The following ARSK variants were observed in gnomAD, a reference collection of about 807,000 sequenced individuals.
ARSK encodes arylsulfatase K.
In ARSK, 37 loss-of-function variants were observed where a neutral mutation model predicts 53.2. The observed-to-expected ratio is 0.70, with a 90% confidence interval of 0.54 to 0.92. The LOEUF (loss-of-function observed/expected upper bound fraction) is 0.92, where lower values mean the gene tolerates loss of function less well. Among genes scored for constraint, ARSK ranks in the 40% least tolerant of loss-of-function variants. The probability of loss-of-function intolerance (pLI) is 0.00; values close to 1 mark genes in which losing one functional copy is unlikely to be tolerated. For synonymous variants in ARSK, 208 were observed against 223.2 expected (o/e 0.93, Z 0.61); for missense variants, 613 against 643.0 (o/e 0.95, Z 0.51).
chr5:95,586,538 C>T, intron 4 of ARSK, 24 bp from the exon 5 acceptor site: 1 of 1,587,164 alleles, frequency 6.3e-7, no homozygotes, highest in East Asian at 2.3e-5. Context: ...GCTAGCATAA[C>T]TAAGTTTTTT....
At position 95,603,834 on chromosome 5, in the gene ARSK, G is replaced by A. The variant is rs1749455607; in HGVS notation, c.*308G>A. On this transcript the variant is annotated 3_prime_UTR_variant, in exon 8 of 8. Coordinates refer to ENST00000380009, the MANE Select transcript of ARSK (RefSeq NM_198150.3). ...AGGCAGGAGGATCGCTTGAACCCGG[G>A]AGGCAGCAGTTGCAGTGAGCTGAGA... 6.2e-6 allele frequency: 1 copy of A among 161,034 alleles called. No individual in the cohort carries two copies. Among genetic ancestry groups the A allele is most frequent in the Non-Finnish European group, 1.4e-5 (1 of 74,050 alleles). 10.0% of individuals were successfully genotyped at this position (161,034 alleles called of 1,614,324 possible).
chr5:95,591,102 A>AT (rs995424049), intron 5 of ARSK, among the ~76,000 whole-genome samples: 1 of 152,064 alleles, frequency 6.6e-6, no homozygotes, highest in Non-Finnish European at 1.5e-5. Context: ...TAAGGGGAAG[A>AT]TTTTTTCCCC....
chr5:95,591,469 C>A lies in ARSK; in HGVS notation c.940C>A (p.His314Asn). ...QKTIVIYSSD[H>N]GELAMEHRQF... ...AACTATTGTCATATACTCCTCAGAC[C>A]ATGGAGAGCTGGCCATGGAACATCG... is the stretch of plus-strand genomic sequence containing the variant. The change falls in exon 6 of 8, where the codon CAT becomes AAT. Residue 314 changes from histidine to asparagine, a missense_variant. By Grantham distance (68) the His-to-Asn change is moderately conservative. Coordinates refer to ENST00000380009, the MANE Select transcript of ARSK (RefSeq NM_198150.3). 1 of 1,613,950 alleles carries A rather than the reference C, an allele frequency of 6.2e-7. No homozygotes were observed. Among genetic ancestry groups the A allele is most frequent in the Non-Finnish European group, 8.5e-7 (1 of 1,179,930 alleles).
chr5:95,562,176 A>T (rs959504441), intron 1 of ARSK, among the ~76,000 whole-genome samples: 3 of 152,122 alleles, frequency 2.0e-5, no homozygotes, highest in Non-Finnish European at 4.4e-5. Context: ...GTGCCACTGG[A>T]CTCCAGCCTT....
Position 95,582,930 on chromosome 5 carries a change from C to G in ARSK, c.431C>G (p.Ala144Gly), listed in dbSNP as rs1487153898. 1 of 1,605,230 alleles carries G rather than the reference C, an allele frequency of 6.2e-7. No individual in the cohort carries two copies. Among genetic ancestry groups the G allele is most frequent in the African/African-American group, 1.3e-5 (1 of 74,752 alleles). Residue 144 changes from alanine to glycine, a missense_variant, in exon 4 of 8, where the codon GCG becomes GGG. Physicochemically the swap from Ala to Gly is moderately conservative, Grantham distance 60. Transcript: ENST00000380009. ...GHHSISNRVE[A>G]WTRDVAFLLR... The stretch of plus-strand genomic sequence containing the variant: ...TGCCCCCTCAGTAATCGTGTGGAAG[C>G]GTGGACAAGAGATGTTGCTTTCTTA...
intron 7 of ARSK, 55 bp from the exon 8 acceptor site, chr5:95,603,181 TA>T: frequency 1.4e-6 from 2 of 1,403,128 alleles, no homozygotes; most frequent in Non-Finnish European, 1.9e-6. Context: ...AATGACATTC[TA>T]AAAAAATTTT....
At chr5:95,565,136 C>A (rs1431415837) in intron 1 of ARSK, among the ~76,000 whole-genome samples, 1 of 152,162 alleles carries the variant, frequency 6.6e-6, no homozygotes, top group Non-Finnish European at 1.5e-5. Flanking sequence ...CTGGAACATT[C>A]TTTTTTCTGT....
At chr5:95,603,214 G>C in intron 7 of ARSK, 23 bp from the exon 8 acceptor site, 1 of 1,517,476 alleles carries the variant, frequency 6.6e-7, no homozygotes, top group Non-Finnish European at 8.8e-7. Context: ...TATTTTGACA[G>C]ATACTTATTT....
intron 5 of ARSK, among the ~76,000 whole-genome samples, chr5:95,589,208 A>G (rs1488708197): frequency 2.6e-5 from 4 of 152,186 alleles, no homozygotes; most frequent in Admixed American, 2.6e-4. Context: ...ACATAGTAAT[A>G]CTAATTATTC....
At chr5:95,560,146 C>T (rs377393148) in intron 1 of ARSK, among the ~76,000 whole-genome samples, 17 of 152,016 alleles carry the variant, frequency 1.1e-4, no homozygotes, top group South Asian at 8.3e-4. Flanking sequence ...TCTTATACTC[C>T]GAAAACTACA....
chr5:95,565,783 CT>C (rs1415427992), intron 1 of ARSK, among the ~76,000 whole-genome samples: 1 of 152,176 alleles, frequency 6.6e-6, no homozygotes, highest in Non-Finnish European at 1.5e-5. Context: ...CCTTTATTTA[CT>C]GTAGTTAAAT....
intron 6 of ARSK, among the ~76,000 whole-genome samples, chr5:95,593,086 A>G (rs1416701212): frequency 6.6e-6 from 1 of 152,130 alleles, no homozygotes; most frequent in African/African-American, 2.4e-5. Context: ...ATATGAATTT[A>G]GAGTTTTATG....
At chr5:95,580,533 A>G (rs1338734990) in intron 3 of ARSK, among the ~76,000 whole-genome samples, 1 of 152,212 alleles carries the variant, frequency 6.6e-6, no homozygotes, top group Non-Finnish European at 1.5e-5. Context: ...ATGAAGTTGC[A>G]TATTCATATT....
Position 95,567,985 on chromosome 5 carries a change from A to T in ARSK, c.352A>T (p.Arg118Trp). The T allele has an allele frequency of 2.5e-6, 4 of 1,613,822 alleles. No homozygotes were observed. The highest frequency in any genetic ancestry group is 3.4e-6 in the Non-Finnish European group (4 of 1,179,858). ...TACAACATGGATGGATGTCATGGAG[A>T]GGCATGGCTACCGAACACAGAAATT... ...NYTTWMDVME[R>W]HGYRTQKFGK... Residue 118 changes from arginine (R) to tryptophan (W), a missense_variant, in exon 3 of 8, where the codon AGG becomes TGG. Transcript: ENST00000380009.
chr5:95,597,045 A>G (rs1355773436), intron 6 of ARSK, among the ~76,000 whole-genome samples: 2 of 152,052 alleles, frequency 1.3e-5, no homozygotes, highest in African/African-American at 4.8e-5. Flanking sequence ...TAAAGTTGAT[A>G]TTATTTCTGA....
chr5:95,558,507 T>A (rs1748567787), intron 1 of ARSK, among the ~76,000 whole-genome samples: 1 of 152,064 alleles, frequency 6.6e-6, no homozygotes. Context: ...AAGAGCTAGA[T>A]GACTAAAATC....
chr5:95,585,934 C>G (rs960165897), intron 4 of ARSK, among the ~76,000 whole-genome samples: 1 of 152,110 alleles, frequency 6.6e-6, no homozygotes, highest in Non-Finnish European at 1.5e-5. Context: ...GTTTCATCTT[C>G]AAAAATTTGT....
chr5:95,603,200 T>G lies in ARSK; in HGVS notation c.1322-37T>G, dbSNP rs1430449912. On this transcript the variant is annotated intron_variant, in intron 7 of 7. Transcript: ENST00000380009. Reference sequence around the variant, plus strand: ...ACATTCTAAAAAAATTTTTAGCAGGTCACTATTTTGACAGATACTTATTTT... The same window carrying G: ...ACATTCTAAAAAAATTTTTAGCAGGGCACTATTTTGACAGATACTTATTTT... 7.5e-6 allele frequency: 11 copies of G among 1,476,106 alleles called. 1 individual carries two copies. In the South Asian group the frequency reaches 1.5e-4, roughly 20 times the overall value. 91.4% of individuals were successfully genotyped at this position (1,476,106 alleles called of 1,614,324 possible).
At chr5:95,564,472 T>A (rs1748693890) in intron 1 of ARSK, among the ~76,000 whole-genome samples, 1 of 152,194 alleles carries the variant, frequency 6.6e-6, no homozygotes, top group Admixed American at 6.5e-5. Context: ...TTCTCTAACA[T>A]CCCTCCCGTT....
Sources: gnomAD v4.1 joint callset for allele counts (sites outside exome capture counted in the v4.1 genomes callset) on GRCh38, gnomAD v4.1.1 for gene constraint, MANE v1.5 for transcripts, NCBI Gene and HGNC (gene_info 2026-07-23, HGNC 2026-07-21) for gene names.